The following STMN1 variants were observed in gnomAD, a reference collection of about 807,000 sequenced individuals.
The protein encoded by STMN1 is stathmin.
A neutral mutation model predicts 19.7 loss-of-function variants in STMN1; 3 were observed. The ratio of observed to expected loss-of-function variants is 0.15; its 90% CI spans 0.07 to 0.39. The LOEUF is 0.39. Ranked by LOEUF, STMN1 falls within the 10% of genes least tolerant of loss-of-function variation. STMN1 has a pLI of 1.00. For synonymous variants in STMN1, 59 were observed against 58.9 expected, an observed-to-expected ratio of 1.00 and a Z score of -0.01; for missense variants, 99 against 176.0, an observed-to-expected ratio of 0.56 and a Z score of 2.48.
chr1:25,898,605 T>C (rs1557481685), downstream of STMN1, among the ~76,000 whole-genome samples: 1 of 152,230 alleles, frequency 6.6e-6, no homozygotes, highest in Non-Finnish European at 1.5e-5. Flanking sequence ...CTCTCTCCAC[T>C]GAGCCCAGTC....
chr1:25,892,714 A>G (rs943585785), intron 4 of STMN1: 10 of 416,984 alleles, frequency 2.4e-5, no homozygotes, highest in African/African-American at 2.2e-4. Flanking sequence ...GCCCGGGCAC[A>G]CGGGACAGCA....
chr1:25,904,724 G>T lies in STMN1; in HGVS notation c.-48C>A. The stretch of plus-strand genomic sequence containing the variant: ...GGCAGTGTATTCTGCACAATCAACT[G>T]GGATAAGGAAAGTCCTGAAAATGAT... On this transcript the variant is annotated 5_prime_UTR_variant, in exon 2 of 5. Transcript: ENST00000455785. The T allele has an allele frequency of 6.2e-7, 1 of 1,605,038 alleles. No individual in the cohort carries two copies. Among genetic ancestry groups the T allele is most frequent in the Non-Finnish European group, 8.5e-7 (1 of 1,177,188 alleles).
At chr1:25,892,536 G>A (rs1270589593) in intron 4 of STMN1, 3 of 985,092 alleles carry the variant, frequency 3.0e-6, no homozygotes, top group Non-Finnish European at 3.6e-6. Flanking sequence ...CTTTAAACAG[G>A]GAGGGTAGAT....
exon 5 of STMN1, chr1:25,885,742 T>G (rs1248820683): frequency 6.4e-7 from 1 of 1,551,270 alleles, no homozygotes; most frequent in Non-Finnish European, 8.7e-7. Context: ...GTGAGAGAGA[T>G]CAGACCAGGT....
At chr1:25,891,354 TG>T (rs1322970156) in intron 4 of STMN1, among the ~76,000 whole-genome samples, 2 of 149,040 alleles carry the variant, frequency 1.3e-5, no homozygotes, top group African/African-American at 2.5e-5. Context: ...AAAATTCAGA[TG>T]GATTATGTAA....
exon 5 of STMN1, chr1:25,885,585 G>A: frequency 1.7e-6 from 2 of 1,144,588 alleles, no homozygotes; most frequent in Non-Finnish European, 2.4e-6. Context: ...ACAGCAAGCA[G>A]AACTGGCTGG....
chr1:25,898,595 C>T (rs1166994847), downstream of STMN1, among the ~76,000 whole-genome samples: 1 of 152,222 alleles, frequency 6.6e-6, no homozygotes, highest in Non-Finnish European at 1.5e-5. Flanking sequence ...TCCTTCAAAC[C>T]TCTCTCCACT....
At chr1:25,898,425 C>T (rs147353577), downstream of STMN1, among the ~76,000 whole-genome samples, 2 of 152,298 alleles carry the variant, frequency 1.3e-5, no homozygotes, top group East Asian at 3.9e-4. Context: ...GGTCGAGAGC[C>T]TCACCCTCAG....
At chr1:25,904,903 A>C in intron 1 of STMN1, 165 bp from the exon 2 acceptor site, 1 of 457,160 alleles carries the variant, frequency 2.2e-6, no homozygotes, top group Non-Finnish European at 3.9e-6. Flanking sequence ...CTAAATAAAC[A>C]TTGGGAAATA....
chr1:25,901,604 CTTCTA>C lies in STMN1; in HGVS notation c.260_264del (p.Ile87ArgfsTer7). ...GCCATTTTACTGAAGTTGTTGTTCT[CTTCTA>C]TTGCCTTCTGAAGCACTTCTTTCTC... On this transcript the variant is annotated frameshift_variant, in exon 4 of 5. Transcript: ENST00000455785. LOFTEE classifies it high-confidence loss of function. The C allele has an allele frequency of 6.2e-7, 1 of 1,614,046 alleles. No individual in the cohort carries two copies. Among genetic ancestry groups the C allele is most frequent in the Non-Finnish European group, 8.5e-7 (1 of 1,179,974 alleles).
downstream of STMN1, among the ~76,000 whole-genome samples, chr1:25,897,497 T>C (rs2048829496): frequency 6.6e-6 from 1 of 152,052 alleles, no homozygotes; most frequent in South Asian, 2.1e-4. Context: ...GGGAGAATGA[T>C]ACAGAGTAGA....
Position 25,900,962 on chromosome 1 carries a change from C to T in STMN1, c.*54G>A, listed in dbSNP as rs2048865024. 31 of 1,612,322 alleles carry T rather than the reference C, an allele frequency of 1.9e-5. No homozygotes were observed. Among genetic ancestry groups the T allele is most frequent in the Admixed American group, 3.4e-5 (2 of 59,456 alleles). The stretch of plus-strand genomic sequence containing the variant: ...AAAAATAAAATGACACTGGCCAGTA[C>T]AGTCTTTGGATATTTAGGAAGGGGA... On this transcript the variant is annotated 3_prime_UTR_variant, in exon 5 of 5. Transcript: ENST00000455785.
chr1:25,890,430 G>A (rs1044427627), intron 4 of STMN1, among the ~76,000 whole-genome samples: 16 of 152,150 alleles, frequency 1.1e-4, no homozygotes, highest in African/African-American at 3.9e-4. Flanking sequence ...TGAGGCAGAG[G>A]GCAAGGAGTA....
In STMN1 at chr1:25,901,527, T is replaced by C. The variant is rs2048874326; in HGVS notation, c.342A>G (p.Ala114=). The change falls in exon 4 of 5, where the codon GCA becomes GCG. Residue 114 remains alanine, a synonymous_variant. Transcript: ENST00000455785. ...KMEANKENRE[A]QMAAKLERLR... is the part of the protein sequence containing the mutation. ...AACGTTCCAGTTTGGCAGCCATTTG[T>C]GCCTCTCGGTTCTCTTTATTAGCTT... The C allele has an allele frequency of 6.2e-7, 1 of 1,611,808 alleles. No homozygotes were observed. The highest frequency in any genetic ancestry group is 1.7e-5 in the Admixed American group (1 of 59,480).
chr1:25,905,010 G>C (rs2124258860), intron 1 of STMN1: 1 of 294,104 alleles, frequency 3.4e-6, no homozygotes, highest in Non-Finnish European at 6.3e-6. Context: ...AGTCACAAGG[G>C]TGAAGAATTT....
chr1:25,897,767 G>T (rs1406521883), downstream of STMN1, among the ~76,000 whole-genome samples: 1 of 152,172 alleles, frequency 6.6e-6, no homozygotes, highest in Non-Finnish European at 1.5e-5. Context: ...ACTAGCTTAG[G>T]ACCTTGGGTA....
Position 25,901,528 on chromosome 1 carries a change from G to A in STMN1, c.341C>T (p.Ala114Val). The A allele has an allele frequency of 1.2e-6, 2 of 1,611,502 alleles. No homozygotes were observed. The highest frequency in any genetic ancestry group is 1.7e-6 in the Non-Finnish European group (2 of 1,179,254). ...KMEANKENRE[A>V]QMAAKLERLR... Reference sequence around the variant, plus strand: ...ACGTTCCAGTTTGGCAGCCATTTGTGCCTCTCGGTTCTCTTTATTAGCTTC... The same window carrying A: ...ACGTTCCAGTTTGGCAGCCATTTGTACCTCTCGGTTCTCTTTATTAGCTTC... The change falls in exon 4 of 5, where the codon GCA (alanine) becomes GTA (valine). Residue 114 changes from alanine to valine, a missense_variant. Transcript: ENST00000455785.
chr1:25,898,951 T>C (rs773206303), downstream of STMN1, among the ~76,000 whole-genome samples: 2 of 152,188 alleles, frequency 1.3e-5, no homozygotes, highest in Admixed American at 6.5e-5. Context: ...CCCCCAACCA[T>C]CTCATTTTAT....
intron 4 of STMN1, 68 bp from the exon 5 acceptor site, chr1:25,901,155 A>AC (rs2048868805): frequency 4.5e-6 from 7 of 1,560,082 alleles, no homozygotes; most frequent in Admixed American, 2.0e-5. Context: ...TCAAGTCACG[A>AC]CCCCCAGCCC....
Sources: allele counts gnomAD v4.1 joint callset (sites outside exome capture counted in the v4.1 genomes callset), GRCh38; gene constraint gnomAD v4.1.1; transcripts MANE v1.5; gene names NCBI Gene and HGNC (gene_info 2026-07-23, HGNC 2026-07-21).